Variants in MMS22L observed in about 807,000 individuals in gnomAD.
The protein encoded by MMS22L is MMS22 like, DNA repair protein, also known as protein MMS22-like.
In MMS22L, 74 loss-of-function variants were observed where a neutral mutation model predicts 159.1. The ratio of observed to expected loss-of-function variants is 0.47; its 90% confidence interval spans 0.39 to 0.56. The LOEUF (loss-of-function observed/expected upper bound fraction) is 0.56, where lower values mean the gene tolerates loss of function less well. Among genes scored for constraint, MMS22L ranks in the 20% least tolerant of loss-of-function variants. MMS22L has a pLI of 0.00. For missense variants in MMS22L, 1,351 were observed against 1,422.1 expected, an observed-to-expected ratio of 0.95 and a Z score of 0.80; for synonymous variants, 517 against 506.9, an observed-to-expected ratio of 1.02 and a Z score of -0.27.
At chr6:97,236,067 C>T (rs1811364377) in intron 11 of MMS22L, among the ~76,000 whole-genome samples, 2 of 152,078 alleles carry the variant, frequency 1.3e-5, no homozygotes, top group Non-Finnish European at 2.9e-5. Flanking sequence ...GTGGTTCACA[C>T]CTGTAATCCC....
intron 3 of MMS22L, among the ~76,000 whole-genome samples, chr6:97,280,223 T>C (rs1816637215): frequency 6.6e-6 from 1 of 152,218 alleles, no homozygotes; most frequent in Non-Finnish European, 1.5e-5. Flanking sequence ...AGATTTTTAC[T>C]GTGTTTTGGA....
chr6:97,277,306 A>T (rs920782086), intron 4 of MMS22L, among the ~76,000 whole-genome samples: 1 of 152,004 alleles, frequency 6.6e-6, no homozygotes, highest in Non-Finnish European at 1.5e-5. Flanking sequence ...CCAGCTACTC[A>T]GGAGGCTGAG....
intron 14 of MMS22L, 141 bp from the exon 15 acceptor site, chr6:97,186,831 A>G: frequency 1.9e-6 from 1 of 537,058 alleles, no homozygotes; most frequent in Non-Finnish European, 3.0e-6. Flanking sequence ...GACATTATGC[A>G]TTTCTGGTTG....
chr6:97,179,115 T>TA (rs987854844), intron 17 of MMS22L, among the ~76,000 whole-genome samples: 4 of 152,074 alleles, frequency 2.6e-5, no homozygotes, highest in Admixed American at 6.5e-5. Flanking sequence ...TCAGTTTCTT[T>TA]AAAAAAATAG....
chr6:97,209,897 T>C (rs6568809), intron 14 of MMS22L, among the ~76,000 whole-genome samples: 98,179 of 151,738 alleles, frequency 0.65, 33,317 homozygotes, highest in Non-Finnish European at 0.76. Flanking sequence ...AACTAAATAA[T>C]GGTAATTTAG....
chr6:97,210,107 C>T (rs188181313), intron 14 of MMS22L, among the ~76,000 whole-genome samples: 2 of 151,950 alleles, frequency 1.3e-5, no homozygotes, highest in Admixed American at 1.3e-4. Flanking sequence ...CCTGAGGTCC[C>T]AGAGTTAGAG....
rs570863763 is a variant in MMS22L at position 97,152,710 on chromosome 6, AAC to A, written c.3386-845_3386-844del. On this transcript the variant is annotated intron_variant, in intron 22 of 24. Coordinates refer to ENST00000683635, the MANE Select transcript of MMS22L (RefSeq NM_001350599.2). ...CATGCGATGAGGCTCGTGGCTAAGGAACACACAGCATCCTTGCCTTTTACTTG... is the reference window on the plus strand; with the variant it reads ...CATGCGATGAGGCTCGTGGCTAAGGAACACAGCATCCTTGCCTTTTACTTG... Among the ~76,000 whole-genome samples, 283 of 152,212 alleles carry A rather than the reference AAC, an allele frequency of 1.9e-3. 1 individual carries two copies. The highest frequency in any genetic ancestry group is 6.0e-3 in the African/African-American group (249 of 41,548).
Position 97,246,773 on chromosome 6 carries a change from T to G in MMS22L, c.1120-83A>C, listed in dbSNP as rs549429459. The G allele has an allele frequency of 1.7e-4, 148 of 881,998 alleles. 2 individuals are homozygous for G. The South Asian group carries it at 2.2e-3, about 13-fold the overall frequency. The allele number at this position is 881,998 out of a possible 1,614,324, so 54.6% of individuals were successfully genotyped here. ...AAATTAGGGTATAGCAAATTAAGTG[T>G]GCAGTACATTTTCCTCTATCATTCA... On this transcript the variant is annotated intron_variant, in intron 10 of 24. Transcript: ENST00000683635.
chr6:97,269,841 T>C (rs1815537197), intron 7 of MMS22L, 61 bp downstream of exon 7: 4 of 1,244,928 alleles, frequency 3.2e-6, no homozygotes, highest in African/African-American at 3.1e-5. Context: ...ACTTATGTAA[T>C]TTTAAAAAGC....
chr6:97,208,163 C>T (rs1196145829), intron 14 of MMS22L, among the ~76,000 whole-genome samples: 2 of 152,050 alleles, frequency 1.3e-5, no homozygotes, highest in African/African-American at 2.4e-5. Flanking sequence ...CTTTATCACT[C>T]AATCCCAGTC....
intron 20 of MMS22L, among the ~76,000 whole-genome samples, chr6:97,167,812 G>GA (rs146435170): frequency 0.092 from 13,674 of 149,080 alleles, 1,165 homozygotes; most frequent in African/African-American, 0.23. Context: ...GATGAGGTCT[G>GA]AAAAAAAAAA....
At chr6:97,245,582 A>AT (rs1430868938) in intron 11 of MMS22L, among the ~76,000 whole-genome samples, 1 of 152,178 alleles carries the variant, frequency 6.6e-6, no homozygotes, top group African/African-American at 2.4e-5. Flanking sequence ...AGGACAACCA[A>AT]TGAACATGAT....
intron 4 of MMS22L, 152 bp from the exon 5 acceptor site, chr6:97,273,214 A>C (rs1408198999): frequency 1.2e-5 from 8 of 641,996 alleles, no homozygotes; most frequent in Non-Finnish European, 2.1e-5. Context: ...GCTACTCCTC[A>C]AAAAATGCTC....
intron 11 of MMS22L, among the ~76,000 whole-genome samples, chr6:97,243,538 CCTT>C (rs1812307653): frequency 6.6e-6 from 1 of 152,040 alleles, no homozygotes; most frequent in African/African-American, 2.4e-5. Context: ...TCTGTTGCCT[CCTT>C]AAGTAACGTT....
chr6:97,205,273 A>G (rs985943359), intron 14 of MMS22L, among the ~76,000 whole-genome samples: 1 of 151,854 alleles, frequency 6.6e-6, no homozygotes, highest in African/African-American at 2.4e-5. Context: ...GACAGGGTTA[A>G]GCATTTAAGT....
At chr6:97,272,517 G>C in intron 6 of MMS22L, 187 bp downstream of exon 6, 1 of 550,718 alleles carries the variant, frequency 1.8e-6, no homozygotes, top group Middle Eastern at 4.8e-4. Flanking sequence ...TTACACAGAT[G>C]TGGAGGCTGA....
intron 9 of MMS22L, chr6:97,259,091 T>C (rs1814149812): frequency 6.6e-6 from 1 of 152,192 alleles, no homozygotes; most frequent in Admixed American, 6.5e-5. Context: ...TATTTATTTG[T>C]GCACAATTGA....
At chr6:97,234,063 C>T in intron 11 of MMS22L, 83 bp from the exon 12 acceptor site, 1 of 1,424,824 alleles carries the variant, frequency 7.0e-7, no homozygotes. Flanking sequence ...CTGTATATAA[C>T]CTGCAGCTAA....
intron 14 of MMS22L, among the ~76,000 whole-genome samples, chr6:97,210,412 C>T (rs1467287460): frequency 1.3e-5 from 2 of 151,660 alleles, no homozygotes; most frequent in African/African-American, 4.8e-5. Context: ...TCAGGGTTTC[C>T]AAAATAAATG....
Sources: allele counts gnomAD v4.1 joint callset (sites outside exome capture counted in the v4.1 genomes callset), GRCh38; gene constraint gnomAD v4.1.1; transcripts MANE v1.5; gene names NCBI Gene and HGNC (gene_info 2026-07-23, HGNC 2026-07-21).